UIMC1: variants seen among roughly 807,000 people sequenced by gnomAD.
The protein encoded by UIMC1 is BRCA1-A complex subunit RAP80.
In UIMC1, 42 loss-of-function variants were observed where a neutral mutation model predicts 84.9. The ratio of observed to expected loss-of-function variants is 0.49; its 90% confidence interval spans 0.39 to 0.64. The LOEUF (loss-of-function observed/expected upper bound fraction) is 0.64, where lower values mean the gene tolerates loss of function less well. UIMC1 is among the 30% of genes least tolerant of loss of function. The probability of loss-of-function intolerance (pLI) is 0.00; values close to 1 mark genes in which losing one functional copy is unlikely to be tolerated. For synonymous variants in UIMC1, 281 were observed against 293.0 expected, an observed-to-expected ratio of 0.96 and a Z score of 0.42; for missense variants, 825 against 847.6, an observed-to-expected ratio of 0.97 and a Z score of 0.33.
rs370226858 is a variant in UIMC1 at position 176,913,019 on chromosome 5, C to G, written c.1598-1630G>C. On this transcript the variant is annotated intron_variant, in intron 10 of 14. Coordinates refer to ENST00000511320, the MANE Select transcript of UIMC1 (RefSeq NM_001199298.2). ...GAAATTCACTTCCCCCTAGGGAAAT[C>G]CATTCTAATTGCAATCTGCCTCAAT... 7.2e-5 allele frequency among the ~76,000 whole-genome samples: 11 copies of G among 152,326 alleles called. No homozygotes were observed. The South Asian group carries it at 2.3e-3, about 32-fold the overall frequency.
chr5:176,996,584 A>G (rs911596769), intron 1 of UIMC1, among the ~76,000 whole-genome samples: 5 of 152,176 alleles, frequency 3.3e-5, no homozygotes, highest in Non-Finnish European at 7.3e-5. Context: ...AGAAATGTTC[A>G]CTCATGAAAA....
chr5:177,015,651 A>G (rs964710826), intron 1 of UIMC1, among the ~76,000 whole-genome samples: 1 of 152,160 alleles, frequency 6.6e-6, no homozygotes. Flanking sequence ...CTCTAACCCA[A>G]AATCCTCTGT....
At chr5:177,015,796 A>G (rs1775656600) in intron 1 of UIMC1, among the ~76,000 whole-genome samples, 1 of 152,162 alleles carries the variant, frequency 6.6e-6, no homozygotes, top group South Asian at 2.1e-4. Context: ...TAGGCCAGGC[A>G]TGGTGGCTCA....
rs750461011 is a variant in UIMC1 at position 176,968,601 on chromosome 5, T to G, written c.1154A>C (p.Lys385Thr). ...DFQESSIKSL[K>T]EKLLLEEEPT... The stretch of plus-strand genomic sequence containing the variant: ...TTCTTCCTCCAACAAAAGTTTCTCT[T>G]TCAAGCTTTTAATTGAGCTTTCCTG... The change falls in exon 6 of 15, where the codon AAA (lysine) becomes ACA (threonine). Residue 385 changes from lysine to threonine, a missense_variant. Coordinates refer to ENST00000511320, the MANE Select transcript of UIMC1 (RefSeq NM_001199298.2). 2 of 1,613,388 alleles carry G rather than the reference T, an allele frequency of 1.2e-6. No individual in the cohort carries two copies. Among genetic ancestry groups the G allele is most frequent in the South Asian group, 2.2e-5 (2 of 90,990 alleles).
intron 1 of UIMC1, among the ~76,000 whole-genome samples, chr5:176,994,471 T>G (rs998140086): frequency 7.5e-5 from 11 of 145,980 alleles, no homozygotes; most frequent in Non-Finnish European, 6.0e-5. Flanking sequence ...AATGGGAATG[T>G]AAAATGGCAT....
At chr5:176,960,913 G>A (rs1193507293) in intron 6 of UIMC1, among the ~76,000 whole-genome samples, 1 of 56,426 alleles carries the variant, frequency 1.8e-5, no homozygotes, top group African/African-American at 1.4e-4. Context: ...GATTGCAGAC[G>A]GAGTCTCGTT....
chr5:177,009,754 G>A (rs1775502812), upstream of UIMC1, among the ~76,000 whole-genome samples: 1 of 151,952 alleles, frequency 6.6e-6, no homozygotes, highest in South Asian at 2.1e-4. The surrounding 1 kb of genome is among the most constrained non-coding windows in gnomAD (Gnocchi z 4.3). Context: ...ATAAAAACAG[G>A]CCTAGCACGG....
chr5:177,014,541 T>C (rs1024009112), intron 1 of UIMC1, among the ~76,000 whole-genome samples: 2 of 152,100 alleles, frequency 1.3e-5, no homozygotes, highest in African/African-American at 2.4e-5. Context: ...TTGAATGAGT[T>C]TGTCAAATGG....
intron 10 of UIMC1, among the ~76,000 whole-genome samples, chr5:176,937,908 T>C (rs1763903499): frequency 6.6e-6 from 1 of 152,084 alleles, no homozygotes; most frequent in South Asian, 2.1e-4. Context: ...GAAAAGTAAC[T>C]TGCCAGGCAT....
At chr5:176,986,610 C>G (rs1772062629) in intron 1 of UIMC1, among the ~76,000 whole-genome samples, 1 of 148,264 alleles carries the variant, frequency 6.7e-6, no homozygotes. Context: ...GAGACCAAAG[C>G]AGGAGGATGG....
At chr5:176,994,448 CTCATA>C (rs1428830671) in intron 1 of UIMC1, among the ~76,000 whole-genome samples, 1 of 150,582 alleles carries the variant, frequency 6.6e-6, no homozygotes, top group African/African-American at 2.4e-5. Context: ...TAATGAACCT[CTCATA>C]TACTGCTAAT....
chr5:176,914,756 T>C (rs555354166), intron 10 of UIMC1, among the ~76,000 whole-genome samples: 24 of 152,326 alleles, frequency 1.6e-4, no homozygotes, highest in African/African-American at 5.8e-4. Flanking sequence ...TCAGATTATA[T>C]AGTCAGGCAC....
intron 1 of UIMC1, among the ~76,000 whole-genome samples, chr5:177,017,371 C>G (rs1345529681): frequency 6.6e-6 from 1 of 152,174 alleles, no homozygotes; most frequent in Admixed American, 6.5e-5. Context: ...AGCCCACTAG[C>G]CTTGGCTGTC....
intron 10 of UIMC1, among the ~76,000 whole-genome samples, chr5:176,912,734 C>T (rs987762623): frequency 2.6e-4 from 40 of 151,864 alleles, no homozygotes; most frequent in Non-Finnish European, 5.1e-4. Context: ...GGCACAATCT[C>T]GGCTCACTGC....
At chr5:177,006,086 G>A (rs1159369650) in intron 1 of UIMC1, among the ~76,000 whole-genome samples, 1 of 152,164 alleles carries the variant, frequency 6.6e-6, no homozygotes, top group Non-Finnish European at 1.5e-5. Context: ...AAGGAGCGCG[G>A]GCCTGGCGCC....
intron 4 of UIMC1, 89 bp downstream of exon 4, chr5:176,970,653 C>G (rs1455587544): frequency 8.8e-6 from 14 of 1,590,216 alleles, no homozygotes; most frequent in Non-Finnish European, 1.1e-5. Context: ...TAAATGACTA[C>G]AGCTAGTTCC....
chr5:176,917,254 A>G (rs975975378), intron 10 of UIMC1, among the ~76,000 whole-genome samples: 11 of 152,242 alleles, frequency 7.2e-5, no homozygotes, highest in African/African-American at 2.7e-4. Flanking sequence ...CTCAGAGACC[A>G]GTCTCAATTA....
At chr5:176,988,148 A>C (rs920584601) in intron 1 of UIMC1, among the ~76,000 whole-genome samples, 4 of 151,908 alleles carry the variant, frequency 2.6e-5, no homozygotes, top group African/African-American at 9.7e-5. Flanking sequence ...AAAAAAAAAA[A>C]AAACTCAAAT....
chr5:176,999,754 T>A (rs1774173945), intron 1 of UIMC1, among the ~76,000 whole-genome samples: 1 of 152,246 alleles, frequency 6.6e-6, no homozygotes, highest in Admixed American at 6.5e-5. Context: ...TATGGCTGAA[T>A]AGTACTCCAT....
Sources: gnomAD v4.1 joint callset for allele counts (sites outside exome capture counted in the v4.1 genomes callset) on GRCh38, gnomAD v4.1.1 for gene constraint, Gnocchi (gnomAD v3.1) non-coding constraint, MANE v1.5 for transcripts, NCBI Gene and HGNC (gene_info 2026-07-23, HGNC 2026-07-21) for gene names.